Variants in RASSF3 observed in about 807,000 individuals in gnomAD.
RASSF3 encodes the protein ras association domain-containing protein 3.
Under a neutral mutation model 19.9 loss-of-function variants are expected in RASSF3, and 19 were observed. The observed-to-expected ratio is 0.96, with a 90% CI of 0.67 to 1.40. RASSF3 has a LOEUF of 1.40. RASSF3 is among the 40% of genes most tolerant of loss of function. The pLI, the probability that RASSF3 is intolerant of heterozygous loss-of-function variation, is 0.00. For synonymous variants in RASSF3, 110 were observed against 104.2 expected (o/e 1.06, Z -0.34); for missense variants, 306 against 289.8 (o/e 1.06, Z -0.41).
At chr12:64,555,119 C>G (rs898893021) in intron 2 of RASSF3, among the ~76,000 whole-genome samples, 1 of 151,980 alleles carries the variant, frequency 6.6e-6, no homozygotes, top group Non-Finnish European at 1.5e-5. Flanking sequence ...TGGTGCACAT[C>G]TGTAATCCCA....
At chr12:64,661,677 CTTTTTTTTT>C (rs71092993) in intron 1 of RASSF3, among the ~76,000 whole-genome samples, 3 of 79,002 alleles carry the variant, frequency 3.8e-5, no homozygotes, top group Admixed American at 3.0e-4. Flanking sequence ...TTTTCTTTTT[CTTTTTTTTT>C]TTTTTTTTTT....
intron 1 of RASSF3, among the ~76,000 whole-genome samples, chr12:64,630,976 G>A (rs374502944): frequency 4.1e-4 from 62 of 152,310 alleles, no homozygotes; most frequent in African/African-American, 1.4e-3. Flanking sequence ...AGATGTCTGT[G>A]GGCTATCAAA....
At chr12:64,681,595 C>A (rs146879389) in intron 1 of RASSF3, among the ~76,000 whole-genome samples, 127 of 152,284 alleles carry the variant, frequency 8.3e-4, no homozygotes, top group Non-Finnish European at 1.3e-3. Flanking sequence ...TTTGAAGAGT[C>A]TTTGGACAGT....
intron 1 of RASSF3, among the ~76,000 whole-genome samples, chr12:64,649,286 G>A (rs1366186296): frequency 2.6e-5 from 4 of 151,570 alleles, no homozygotes; most frequent in Non-Finnish European, 5.9e-5. Flanking sequence ...TCCGCCTCCC[G>A]GGTTCACTCC....
intron 1 of RASSF3, among the ~76,000 whole-genome samples, chr12:64,665,399 T>C (rs1031250076): frequency 3.9e-5 from 6 of 152,170 alleles, no homozygotes; most frequent in African/African-American, 1.4e-4. Context: ...GTCAGATTGC[T>C]TAATTGATAC....
At chr12:64,648,926 C>G (rs1054528333) in intron 1 of RASSF3, among the ~76,000 whole-genome samples, 3 of 150,738 alleles carry the variant, frequency 2.0e-5, no homozygotes, top group African/African-American at 7.3e-5. Flanking sequence ...ACCCCTCAGC[C>G]TACCGAGTAG....
At chr12:64,668,271 CT>C (rs369487530) in intron 1 of RASSF3, among the ~76,000 whole-genome samples, 8,982 of 146,994 alleles carry the variant, frequency 0.061, 906 homozygotes, top group African/African-American at 0.21. Flanking sequence ...TCTTCTTCTT[CT>C]TTTTTTTTTT....
At chr12:64,544,489 C>T (rs1441113226), downstream of RASSF3, among the ~76,000 whole-genome samples, 1 of 152,258 alleles carries the variant, frequency 6.6e-6, no homozygotes, top group South Asian at 2.1e-4. Context: ...CAGTGGTGCA[C>T]GCCTGTGGTC....
chr12:64,542,265 T>G (rs900327938), downstream of RASSF3, among the ~76,000 whole-genome samples: 1 of 151,700 alleles, frequency 6.6e-6, no homozygotes, highest in African/African-American at 2.4e-5. Context: ...GAGGTGGAGG[T>G]TGCATTAAGC....
upstream of RASSF3, among the ~76,000 whole-genome samples, chr12:64,610,065 C>A (rs577550017): frequency 2.4e-3 from 358 of 152,216 alleles, 4 homozygotes; most frequent in Non-Finnish European, 4.5e-3. Context: ...GGCCGGGCAA[C>A]CCCCACCCAC....
At chr12:64,606,633 G>T (rs1313323687), upstream of RASSF3, among the ~76,000 whole-genome samples, 2 of 151,990 alleles carry the variant, frequency 1.3e-5, no homozygotes, top group East Asian at 1.9e-4. Flanking sequence ...TGGCCAACAT[G>T]GTGAAACCCT....
intron 1 of RASSF3, among the ~76,000 whole-genome samples, chr12:64,539,851 A>G (rs568862799): frequency 7.9e-5 from 12 of 152,338 alleles, no homozygotes; most frequent in African/African-American, 2.9e-4. Context: ...ATATTCCATC[A>G]TACAGATAGA....
chr12:64,673,335 G>A (rs1270056983), intron 1 of RASSF3, among the ~76,000 whole-genome samples: 1 of 152,014 alleles, frequency 6.6e-6, no homozygotes, highest in Non-Finnish European at 1.5e-5. Flanking sequence ...CTTCCCTCCT[G>A]GCTTCTTGGC....
At chr12:64,533,735 T>A (rs976727653) in intron 1 of RASSF3, 1 of 152,196 alleles carries the variant, frequency 6.6e-6, no homozygotes, top group African/African-American at 2.4e-5. Flanking sequence ...GTTCAGATTC[T>A]TCCTAAAAAG....
chr12:64,528,344 C>T (rs1380327955), upstream of RASSF3, among the ~76,000 whole-genome samples: 1 of 152,144 alleles, frequency 6.6e-6, no homozygotes, highest in African/African-American at 2.4e-5. Context: ...TTAGGTACCA[C>T]CAGAGTATGT....
At chr12:64,559,180 C>G (rs1402284584) in intron 2 of RASSF3, among the ~76,000 whole-genome samples, 3 of 152,060 alleles carry the variant, frequency 2.0e-5, no homozygotes, top group Admixed American at 6.6e-5. Flanking sequence ...CTCTCAAGTC[C>G]TGAAGGCACT....
chr12:64,624,952 C>T (rs973337955), intron 1 of RASSF3, among the ~76,000 whole-genome samples: 1 of 152,026 alleles, frequency 6.6e-6, no homozygotes, highest in African/African-American at 2.4e-5. Context: ...CAGGCGTGAG[C>T]CACCGCGCCT....
intron 1 of RASSF3, among the ~76,000 whole-genome samples, chr12:64,652,408 C>T (rs1274202282): frequency 2.0e-5 from 3 of 149,984 alleles, no homozygotes; most frequent in African/African-American, 7.4e-5. Context: ...TTTTCTCCCC[C>T]TCCCCCTCCC....
intron 2 of RASSF3, among the ~76,000 whole-genome samples, chr12:64,587,352 CG>C (rs746790410): frequency 7.2e-5 from 11 of 152,016 alleles, no homozygotes; most frequent in Non-Finnish European, 1.2e-4. Context: ...CCACTGTGCC[CG>C]GCCTCCTCTC....
Sources: allele counts gnomAD v4.1 joint callset (sites outside exome capture counted in the v4.1 genomes callset), GRCh38; gene constraint gnomAD v4.1.1; transcripts MANE v1.5; gene names NCBI Gene and HGNC (gene_info 2026-07-23, HGNC 2026-07-21).